Variants in RFC4 observed in about 807,000 individuals in gnomAD.
RFC4 encodes the protein A1 37 kDa subunit.
A neutral mutation model predicts 47.6 loss-of-function variants in RFC4; 38 were observed. That is an observed-to-expected ratio of 0.80 (90% CI 0.62 to 1.05). RFC4 has a LOEUF of 1.05. Among genes scored for constraint, RFC4 ranks in the 50% least tolerant of loss-of-function variants. The probability of loss-of-function intolerance (pLI) is 0.00; values close to 1 mark genes in which losing one functional copy is unlikely to be tolerated. For synonymous variants in RFC4, 164 were observed against 150.0 expected (o/e 1.09, Z -0.68); for missense variants, 489 against 434.0 (o/e 1.13, Z -1.13).
intron 4 of RFC4, chr3:186,794,995 T>C: frequency 3.8e-6 from 2 of 520,848 alleles, no homozygotes; most frequent in Admixed American, 3.9e-5. Context: ...ACATAACATA[T>C]ACAATTTCTT....
chr3:186,794,427 A>T (rs998211942), intron 5 of RFC4, among the ~76,000 whole-genome samples: 12 of 152,190 alleles, frequency 7.9e-5, no homozygotes, highest in African/African-American at 2.9e-4. Flanking sequence ...CTCATGTAAA[A>T]TTTACACATA....
rs1009787141 is a variant in RFC4, at chr3:186,790,404, T to C, written c.804A>G (p.Val268=). 3.5e-5 allele frequency: 57 copies of C among 1,607,634 alleles called. No individual in the cohort carries two copies. Among genetic ancestry groups the C allele is most frequent in the Non-Finnish European group, 4.9e-5 (57 of 1,174,182 alleles). Reference sequence around the variant, plus strand: ...CTCCATCAATTTTCTCAGCTGGTATTACCTAGGTAATTGAATGTTCGGTAT... The same window carrying C: ...CTCCATCAATTTTCTCAGCTGGTATCACCTAGGTAATTGAATGTTCGGTAT... ...TEKVITDIAG[V]IPAEKIDGVF... The change falls in exon 9 of 11, where the codon GTA becomes GTG. Residue 268 remains valine, a splice_region_variant and synonymous_variant. Transcript: ENST00000296273.
intron 6 of RFC4, 27 bp downstream of exon 6, chr3:186,792,777 C>T (rs2108468593): frequency 6.3e-7 from 1 of 1,585,348 alleles, no homozygotes; most frequent in East Asian, 2.2e-5. Context: ...GGCTGCCTAG[C>T]ATCTGTCTTC....
Position 186,806,269 on chromosome 3 carries a change from GC to G in RFC4, c.-12+20del, listed in dbSNP as rs1224526118. ...GGAGTGGGGAAGGCGAAGCGGGCTT[GC>G]AGTTCCTCCAGCAGGTTACCAGTTA... On this transcript the variant is annotated intron_variant, in intron 1 of 10. Coordinates refer to ENST00000296273, the MANE Select transcript of RFC4 (RefSeq NM_002916.5). 1 of 152,342 alleles carries G rather than the reference GC, an allele frequency of 6.6e-6. No homozygotes were observed. The highest frequency in any genetic ancestry group is 1.9e-4 in the East Asian group (1 of 5,194). The allele number at this position is 152,342 out of a possible 1,614,324, so 9.4% of individuals were successfully genotyped here. A position where few individuals can be genotyped will look rare whatever the true frequency, so the allele number is the denominator to read the frequency against.
At chr3:186,801,730 A>AAAAAAAAAAAAAAAAAG (rs1348449105) in intron 2 of RFC4, among the ~76,000 whole-genome samples, 22 of 149,946 alleles carry the variant, frequency 1.5e-4, no homozygotes, top group African/African-American at 4.9e-4. Context: ...AAAAAAAAAA[A>AAAAAAAAAAAAAAAAAG]AGAAATTAAA....
intron 3 of RFC4, among the ~76,000 whole-genome samples, chr3:186,798,879 C>T (rs751815478): frequency 6.6e-6 from 1 of 152,154 alleles, no homozygotes; most frequent in African/African-American, 2.4e-5. Flanking sequence ...GACCAAGAAC[C>T]TTATTTGTTC....
At position 186,792,526 on chromosome 3, in the gene RFC4, G is replaced by T. The variant is rs147517104; in HGVS notation, c.639C>A (p.Asp213Glu). ...TTTTGACATTTTCCTTCTTGGCAAT[G>T]TCTAGTAATCGCTGCTGTTGAATTT... ...SDKIQQQRLL[D>E]IAKKENVKIS... is the part of the protein sequence containing the mutation. Residue 213 changes from aspartate (D) to glutamate (E), a missense_variant, in exon 7 of 11, where the codon GAC becomes GAA. By Grantham distance (45) the Asp-to-Glu change is conservative (BLOSUM62 2). Transcript: ENST00000296273. 4.2e-5 allele frequency: 68 copies of T among 1,613,140 alleles called. No individual in the cohort carries two copies. In the African/African-American group the frequency reaches 8.1e-4, roughly 19 times the overall value.
intron 3 of RFC4, among the ~76,000 whole-genome samples, chr3:186,800,701 G>C (rs967106433): frequency 6.6e-6 from 1 of 152,048 alleles, no homozygotes; most frequent in Non-Finnish European, 1.5e-5. Flanking sequence ...CCTAAAGTTA[G>C]TAAGCAATTA....
At chr3:186,802,739 T>C (rs1420134932) in intron 2 of RFC4, among the ~76,000 whole-genome samples, 4 of 152,208 alleles carry the variant, frequency 2.6e-5, no homozygotes, top group Non-Finnish European at 5.9e-5. Context: ...TGATTTTTTT[T>C]TTTAATGTCT....
At position 186,803,530 on chromosome 3, in the gene RFC4, G is replaced by A. The variant is rs147853144; in HGVS notation, c.131+1053C>T. The stretch of plus-strand genomic sequence containing the variant: ...ATTTTATTTATTTATTTGAGACAGA[G>A]TCTCGTTCTGTCACCCAGGCTGGAA... On this transcript the variant is annotated intron_variant, in intron 2 of 10. Coordinates refer to ENST00000296273, the MANE Select transcript of RFC4 (RefSeq NM_002916.5). Among the ~76,000 whole-genome samples the A allele has an allele frequency of 5.6e-3, 848 of 152,034 alleles. 10 individuals carry two copies. Among genetic ancestry groups the A allele is most frequent in the African/African-American group, 0.02 (814 of 41,506 alleles).
rs1435495048 is a variant in RFC4 at position 186,796,353 on chromosome 3, G to T, written c.290+1182C>A. On this transcript the variant is annotated intron_variant, in intron 4 of 10. Coordinates refer to ENST00000296273, the MANE Select transcript of RFC4 (RefSeq NM_002916.5). The surrounding 1 kb of genome is among the most constrained non-coding windows in gnomAD (Gnocchi z 4.2). ...ATTGAGTTGTGGAATAATCAAAAAAGTTCTTCTATAATTTTACTGAGAATA... is the reference window on the plus strand; with the variant it reads ...ATTGAGTTGTGGAATAATCAAAAAATTTCTTCTATAATTTTACTGAGAATA... Among the ~76,000 whole-genome samples the T allele has an allele frequency of 6.6e-6, 1 of 152,180 alleles. No homozygotes were observed. The highest frequency in any genetic ancestry group is 1.5e-5 in the Non-Finnish European group (1 of 68,032).
intron 1 of RFC4, among the ~76,000 whole-genome samples, chr3:186,805,150 AAAG>A (rs1722449980): frequency 1.3e-5 from 2 of 152,324 alleles, no homozygotes; most frequent in South Asian, 4.1e-4. Flanking sequence ...TTCGGCAATT[AAAG>A]GTGCTCTGCT....
At chr3:186,798,093 G>A (rs564083993) in intron 3 of RFC4, among the ~76,000 whole-genome samples, 1 of 152,228 alleles carries the variant, frequency 6.6e-6, no homozygotes, top group African/African-American at 2.4e-5. Flanking sequence ...GGCTTTGGAT[G>A]AGCAGAAGTA....
At chr3:186,803,998 A>G (rs1187337945) in intron 2 of RFC4, among the ~76,000 whole-genome samples, 2 of 151,902 alleles carry the variant, frequency 1.3e-5, no homozygotes, top group Non-Finnish European at 2.9e-5. Context: ...CCTGACCAAC[A>G]TGGTGAAACC....
chr3:186,804,055 C>T (rs964992628), intron 2 of RFC4, among the ~76,000 whole-genome samples: 2 of 151,894 alleles, frequency 1.3e-5, no homozygotes, highest in African/African-American at 4.8e-5. Flanking sequence ...TGGTGGTGGG[C>T]ACCTGTAATC....
intron 5 of RFC4, 27 bp from the exon 6 acceptor site, chr3:186,792,974 G>T (rs377140669): frequency 1.3e-6 from 2 of 1,598,352 alleles, no homozygotes; most frequent in African/African-American, 1.3e-5. Context: ...CATAAGAGTT[G>T]AACATTAATA....
chr3:186,790,119 A>G, intron 10 of RFC4, 23 bp downstream of exon 10: 3 of 1,603,558 alleles, frequency 1.9e-6, no homozygotes, highest in African/African-American at 2.7e-5. Flanking sequence ...TGTTCCATTG[A>G]CATGTGCAAA....
At position 186,792,850 on chromosome 3, in the gene RFC4, CCTT is replaced by C. The variant is rs1560091012; in HGVS notation, c.505_507del (p.Lys169del). ...AGACAGAATCGGGTGGTTTTCGACT[CCTT>C]CTCCATGGTACGTCTTAAAGCTGCC... On this transcript the variant is annotated inframe_deletion, in exon 6 of 11. Coordinates refer to ENST00000296273, the MANE Select transcript of RFC4 (RefSeq NM_002916.5). 1.2e-6 allele frequency: 2 copies of C among 1,614,088 alleles called. No homozygotes were observed. Among genetic ancestry groups the C allele is most frequent in the Admixed American group, 1.7e-5 (1 of 60,002 alleles).
chr3:186,790,507 C>G, intron 8 of RFC4, 101 bp from the exon 9 acceptor site: 1 of 825,780 alleles, frequency 1.2e-6, no homozygotes, highest in Non-Finnish European at 2.1e-6. Context: ...TGTTCCACAC[C>G]TAAGTTCCAT....
Sources: gnomAD v4.1 joint callset for allele counts (sites outside exome capture counted in the v4.1 genomes callset) on GRCh38, gnomAD v4.1.1 for gene constraint, Gnocchi (gnomAD v3.1) non-coding constraint, MANE v1.5 for transcripts, NCBI Gene and HGNC (gene_info 2026-07-23, HGNC 2026-07-21) for gene names.